MEAK7: variants seen among roughly 807,000 people sequenced by gnomAD.
MEAK7 encodes the protein MTOR associated protein MEAK7, also known as MTOR-associated protein MEAK7.
In MEAK7, 68 loss-of-function variants were observed where a neutral mutation model predicts 40.5. The ratio of observed to expected loss-of-function variants is 1.68; its 90% CI spans 1.38 to 2.06. The LOEUF (loss-of-function observed/expected upper bound fraction) is 2.06. MEAK7 is among the 30% of genes most tolerant of loss of function. MEAK7 has a pLI of 0.00. For missense variants in MEAK7, 918 were observed against 580.5 expected, an observed-to-expected ratio of 1.58 and a Z score of -5.98; for synonymous variants, 338 against 231.9, an observed-to-expected ratio of 1.46 and a Z score of -4.16.
rs780202864 is a variant in MEAK7 at position 84,498,128 on chromosome 16, CACA to C, written c.-25-20_-25-18del. On this transcript the variant is annotated intron_variant, in intron 1 of 7. Transcript: ENST00000343629. ...CAGAATTCTCTGCAGAAGGAAAAGA[CACA>C]ACATTAGAAAAATCAAAATTTAATA... is the stretch of plus-strand genomic sequence containing the variant. 8 of 1,542,900 alleles carry C rather than the reference CACA, an allele frequency of 5.2e-6. No individual in the cohort carries two copies. In the East Asian group the frequency reaches 1.6e-4, roughly 31 times the overall value.
rs545350325 is a variant in MEAK7, at chr16:84,484,533, G to C, written c.959-1823C>G. Among the ~76,000 whole-genome samples the C allele has an allele frequency of 2.0e-5, 3 of 152,244 alleles. No homozygotes were observed. In the South Asian group the frequency reaches 6.2e-4, roughly 32 times the overall value. ...TTGCACAGAAAACACAAGCCAAAAGGCTCTAAGTATAATCAGTTCTTCTTT... is the reference window on the plus strand; with the variant it reads ...TTGCACAGAAAACACAAGCCAAAAGCCTCTAAGTATAATCAGTTCTTCTTT... On this transcript the variant is annotated intron_variant, in intron 5 of 7. Coordinates refer to ENST00000343629, the MANE Select transcript of MEAK7 (RefSeq NM_020947.4).
At chr16:84,485,239 G>A (rs1912931689) in intron 5 of MEAK7, among the ~76,000 whole-genome samples, 1 of 152,160 alleles carries the variant, frequency 6.6e-6, no homozygotes, top group Non-Finnish European at 1.5e-5. Flanking sequence ...GCTGGCACCT[G>A]GAAACTTTGA....
chr16:84,485,337 T>C (rs954953598), intron 5 of MEAK7, among the ~76,000 whole-genome samples: 2 of 152,170 alleles, frequency 1.3e-5, no homozygotes, highest in Admixed American at 6.5e-5. Flanking sequence ...CTAGAAACAA[T>C]GCAATCTAGG....
intron 4 of MEAK7, chr16:84,487,307 G>T (rs1913176889): frequency 2.1e-6 from 1 of 474,342 alleles, no homozygotes; most frequent in Non-Finnish European, 3.7e-6. Flanking sequence ...ATTGTATTTA[G>T]GACATATTAT....
chr16:84,480,138 A>T, intron 7 of MEAK7, 112 bp from the exon 8 acceptor site: 1 of 837,034 alleles, frequency 1.2e-6, no homozygotes, highest in Non-Finnish European at 1.8e-6. Flanking sequence ...GTTCCCCCTA[A>T]GGCCCCTCCC....
chr16:84,495,584 G>C (rs923843841), intron 3 of MEAK7, 99 bp downstream of exon 3: 51 of 1,081,522 alleles, frequency 4.7e-5, no homozygotes, highest in Non-Finnish European at 3.7e-5. Flanking sequence ...AATACTTTTT[G>C]GTTTACTCCT....
At chr16:84,498,836 T>A (rs1914268619) in intron 1 of MEAK7, among the ~76,000 whole-genome samples, 1 of 152,214 alleles carries the variant, frequency 6.6e-6, no homozygotes, top group African/African-American at 2.4e-5. Flanking sequence ...AAACTCACCT[T>A]GAGAATACTG....
rs1322018363 is a variant in MEAK7 at position 84,476,917 on chromosome 16, G to T, written c.*2996C>A. ...GGTACACAATTTTTTTTAAACATAGGGTCTTGCTGTGTTGCCCAGGCTGGA... is the reference window on the plus strand; with the variant it reads ...GGTACACAATTTTTTTTAAACATAGTGTCTTGCTGTGTTGCCCAGGCTGGA... On this transcript the variant is annotated 3_prime_UTR_variant, in exon 8 of 8. Transcript: ENST00000343629. The T allele has an allele frequency of 6.6e-6, 1 of 152,066 alleles. No homozygotes were observed. The highest frequency in any genetic ancestry group is 1.5e-5 in the Non-Finnish European group (1 of 68,034). 9.4% of individuals were successfully genotyped at this position (152,066 alleles called of 1,614,324 possible).
At chr16:84,498,958 A>T (rs747720471) in intron 1 of MEAK7, among the ~76,000 whole-genome samples, 8 of 152,156 alleles carry the variant, frequency 5.3e-5, no homozygotes, top group Non-Finnish European at 8.8e-5. Context: ...CCCCATTTGT[A>T]AAGCAAGAGG....
chr16:84,491,538 T>TA (rs57708607), intron 3 of MEAK7, among the ~76,000 whole-genome samples: 40 of 122,872 alleles, frequency 3.3e-4, no homozygotes, highest in African/African-American at 9.4e-4. Context: ...GACCCTGTCT[T>TA]AAAAAAAAAA....
intron 3 of MEAK7, 70 bp from the exon 4 acceptor site, chr16:84,489,492 G>C: frequency 6.7e-7 from 1 of 1,500,268 alleles, no homozygotes; most frequent in South Asian, 1.3e-5. Flanking sequence ...TGCCCACATG[G>C]AGAAGGGCAA....
At position 84,483,282 on chromosome 16, in the gene MEAK7, A is replaced by T. The variant is rs539363859; in HGVS notation, c.959-572T>A. On this transcript the variant is annotated intron_variant, in intron 5 of 7. Coordinates refer to ENST00000343629, the MANE Select transcript of MEAK7 (RefSeq NM_020947.4). ...GCCATTAAAAGAAAGGTACCAGTCA[A>T]AACTCTGGAAACTATGGGTCCCCAG... Among the ~76,000 whole-genome samples the T allele has an allele frequency of 1.8e-3, 281 of 152,366 alleles. 1 individual carries two copies. Among genetic ancestry groups the T allele is most frequent in the Non-Finnish European group, 3.5e-3 (237 of 68,034 alleles).
intron 5 of MEAK7, chr16:84,486,333 TG>T: frequency 1.5e-6 from 1 of 661,050 alleles, no homozygotes; most frequent in Non-Finnish European, 2.1e-6. Context: ...TACCATCTCC[TG>T]GTCCCCTCGG....
chr16:84,486,087 A>G (rs1913028674), intron 5 of MEAK7: 1 of 152,392 alleles, frequency 6.6e-6, no homozygotes, highest in Admixed American at 6.5e-5. Context: ...CAGCCTCCCA[A>G]AATGCTGGGA....
Position 84,484,454 on chromosome 16 carries a change from G to C in MEAK7, c.959-1744C>G, listed in dbSNP as rs1282230368. 3.9e-5 allele frequency among the ~76,000 whole-genome samples: 6 copies of C among 152,226 alleles called. No individual in the cohort carries two copies. The East Asian group carries it at 1.2e-3, about 29-fold the overall frequency. The stretch of plus-strand genomic sequence containing the variant: ...GAATCAATCACCTTGCCCAGGGCTA[G>C]AGCTGGGACTCAAAATCCTGTGTTC... On this transcript the variant is annotated intron_variant, in intron 5 of 7. Transcript: ENST00000343629.
chr16:84,487,002 A>ATCACAGCTCGG lies in MEAK7; in HGVS notation c.576_586dup (p.Ile196ThrfsTer4). On this transcript the variant is annotated stop_gained and frameshift_variant, in exon 5 of 8. Coordinates refer to ENST00000343629, the MANE Select transcript of MEAK7 (RefSeq NM_020947.4). LOFTEE classifies it high-confidence loss of function. Reference sequence around the variant, plus strand: ...GGGGACCCTGAACACCCAGTCCTCGATCACAGCTCGGTCACAGTCATAGTC... The same window carrying ATCACAGCTCGG: ...GGGGACCCTGAACACCCAGTCCTCGATCACAGCTCGGTCACAGCTCGGTCACAGTCATAGTC... 6.2e-7 allele frequency: 1 copy of ATCACAGCTCGG among 1,614,124 alleles called. No individual in the cohort carries two copies. The highest frequency in any genetic ancestry group is 8.5e-7 in the Non-Finnish European group (1 of 1,180,012).
At chr16:84,487,569 C>T (rs563106275) in intron 4 of MEAK7, 2 of 155,744 alleles carry the variant, frequency 1.3e-5, no homozygotes, top group Admixed American at 1.2e-4. Flanking sequence ...GCCAAGGTCA[C>T]TGGAAGGGGA....
Position 84,486,996 on chromosome 16 carries a change from T to A in MEAK7, c.593A>T (p.Asp198Val). The A allele has an allele frequency of 1.2e-6, 2 of 1,614,072 alleles. No homozygotes were observed. Among genetic ancestry groups the A allele is most frequent in the Non-Finnish European group, 1.7e-6 (2 of 1,180,014 alleles). The stretch of plus-strand genomic sequence containing the variant: ...CACATGGGGGACCCTGAACACCCAG[T>A]CCTCGATCACAGCTCGGTCACAGTC... ...DYDCDRAVIEDWVFRVPHVAI... is the reference protein window; with the variant it reads ...DYDCDRAVIEVWVFRVPHVAI... The change falls in exon 5 of 8, where the codon GAC becomes GTC. Residue 198 changes from aspartate (D) to valine (V), a missense_variant. By Grantham distance (152) the Asp-to-Val change is radical. Coordinates refer to ENST00000343629, the MANE Select transcript of MEAK7 (RefSeq NM_020947.4).
At chr16:84,502,551 A>C (rs920628106) in intron 1 of MEAK7, among the ~76,000 whole-genome samples, 3 of 152,038 alleles carry the variant, frequency 2.0e-5, no homozygotes, top group Non-Finnish European at 4.4e-5. Context: ...CACCCCATGT[A>C]CCCAGGTGTA....
Sources: gnomAD v4.1 joint callset for allele counts (sites outside exome capture counted in the v4.1 genomes callset) on GRCh38, gnomAD v4.1.1 for gene constraint, MANE v1.5 for transcripts, NCBI Gene and HGNC (gene_info 2026-07-23, HGNC 2026-07-21) for gene names.